The following ENAH variants were observed in gnomAD, a reference collection of about 807,000 sequenced individuals.
The protein encoded by ENAH is ENAH actin regulator.
Under a neutral mutation model 78.7 loss-of-function variants are expected in ENAH, and 23 were observed. The ratio of observed to expected loss-of-function variants is 0.29; its 90% CI spans 0.21 to 0.41. The LOEUF (loss-of-function observed/expected upper bound fraction) is 0.41. Ranked by LOEUF, ENAH falls within the 10% of genes least tolerant of loss-of-function variation. The probability of loss-of-function intolerance (pLI) is 1.00; values close to 1 mark genes in which losing one functional copy is unlikely to be tolerated. For missense variants in ENAH, 544 were observed against 691.0 expected, an observed-to-expected ratio of 0.79 and a Z score of 2.39; for synonymous variants, 226 against 241.0, an observed-to-expected ratio of 0.94 and a Z score of 0.58.
chr1:225,622,458 T>C (rs899770434), intron 1 of ENAH, among the ~76,000 whole-genome samples: 3 of 152,168 alleles, frequency 2.0e-5, no homozygotes, highest in African/African-American at 7.2e-5. Context: ...ATATATTGTA[T>C]TAAATATTTG....
chr1:225,560,987 G>C (rs901936947), intron 2 of ENAH, among the ~76,000 whole-genome samples: 4 of 152,212 alleles, frequency 2.6e-5, no homozygotes, highest in Admixed American at 2.6e-4. Context: ...TGTAATCCCA[G>C]CACTTTGGGA....
In ENAH at chr1:225,519,304, T is replaced by C; in HGVS notation, c.696A>G (p.Arg232=). 1 of 1,613,590 alleles carries C rather than the reference T, an allele frequency of 6.2e-7. No homozygotes were observed. Among genetic ancestry groups the C allele is most frequent in the Non-Finnish European group, 8.5e-7 (1 of 1,179,896 alleles). ...LDRERQERQE[R]ERLERLERER... is the part of the protein sequence containing the mutation. The stretch of plus-strand genomic sequence containing the variant: ...CCCGTTCCAGTCTCTCCAGCCTCTC[T>C]CGTTCTTGTCTTTCTTGCCTCTCCC... Residue 232 remains arginine (R), a synonymous_variant, in exon 5 of 14, where the codon CGA becomes CGG. Transcript: ENST00000366843.
At chr1:225,504,605 T>G (rs2096311290) in intron 11 of ENAH, among the ~76,000 whole-genome samples, 1 of 152,204 alleles carries the variant, frequency 6.6e-6, no homozygotes, top group South Asian at 2.1e-4. Flanking sequence ...GAGATTTTCC[T>G]CAAATAATCA....
rs377259576 is a variant in ENAH at position 225,591,406 on chromosome 1, T to C, written c.6-23992A>G. Among the ~76,000 whole-genome samples the C allele has an allele frequency of 7.2e-4, 109 of 150,924 alleles. 1 individual carries two copies. Among genetic ancestry groups the C allele is most frequent in the African/African-American group, 2.5e-3 (102 of 41,000 alleles). The stretch of plus-strand genomic sequence containing the variant: ...TCGCTTGAACCCCGGAGGTGGAGGT[T>C]GCAGTGAGCCGAGACTGCGCCATTG... On this transcript the variant is annotated intron_variant, in intron 1 of 13. Transcript: ENST00000366843.
At chr1:225,616,793 C>G (rs1267813096) in intron 1 of ENAH, among the ~76,000 whole-genome samples, 1 of 152,100 alleles carries the variant, frequency 6.6e-6, no homozygotes, top group Non-Finnish European at 1.5e-5. Flanking sequence ...GGAAAACTAA[C>G]TCCACCCATT....
chr1:225,651,262 G>A (rs1011826877), intron 1 of ENAH, among the ~76,000 whole-genome samples: 1 of 151,744 alleles, frequency 6.6e-6, no homozygotes, highest in Non-Finnish European at 1.5e-5. Context: ...CACTCTTTAA[G>A]GCCATCATAA....
At chr1:225,522,148 T>C (rs2096474439) in intron 4 of ENAH, among the ~76,000 whole-genome samples, 1 of 152,188 alleles carries the variant, frequency 6.6e-6, no homozygotes, top group Non-Finnish European at 1.5e-5. Flanking sequence ...GACTGGCTAA[T>C]AAACTGGGTG....
intron 3 of ENAH, among the ~76,000 whole-genome samples, chr1:225,549,881 T>G (rs1458844405): frequency 6.6e-6 from 1 of 152,174 alleles, no homozygotes; most frequent in African/African-American, 2.4e-5. Flanking sequence ...CTCACCGGTA[T>G]TATTACAACA....
At position 225,522,260 on chromosome 1, in the gene ENAH, T is replaced by C. The variant is rs150415448; in HGVS notation, c.435-2695A>G. Among the ~76,000 whole-genome samples the C allele has an allele frequency of 6.0e-3, 911 of 152,250 alleles. 8 individuals carry two copies. Among genetic ancestry groups the C allele is most frequent in the African/African-American group, 0.02 (847 of 41,542 alleles). The stretch of plus-strand genomic sequence containing the variant: ...AGTAAGATCTTTCCAAAAATCTCTC[T>C]CCTTCATGTTTCCTAAGCTGGCTAT... On this transcript the variant is annotated intron_variant, in intron 4 of 13. Transcript: ENST00000366843.
At chr1:225,585,896 A>G (rs932032514) in intron 1 of ENAH, among the ~76,000 whole-genome samples, 14 of 151,934 alleles carry the variant, frequency 9.2e-5, no homozygotes, top group Admixed American at 2.0e-4. Flanking sequence ...AAAGGCCTAA[A>G]AGCAAAGACT....
At chr1:225,598,302 GT>G (rs1253576740) in intron 1 of ENAH, among the ~76,000 whole-genome samples, 4 of 151,400 alleles carry the variant, frequency 2.6e-5, no homozygotes, top group South Asian at 4.2e-4. Context: ...CTACCCAAGA[GT>G]GAAAAATAGA....
chr1:225,626,551 C>A (rs1430687637), intron 1 of ENAH, among the ~76,000 whole-genome samples: 1 of 152,210 alleles, frequency 6.6e-6, no homozygotes, highest in Non-Finnish European at 1.5e-5. Flanking sequence ...ATCTATGAAG[C>A]AGAGAGCAGC....
intron 1 of ENAH, among the ~76,000 whole-genome samples, chr1:225,638,485 C>T (rs981508000): frequency 6.6e-6 from 1 of 152,156 alleles, no homozygotes; most frequent in African/African-American, 2.4e-5. Flanking sequence ...TGTCTCCTCC[C>T]CCACTAAACT....
chr1:225,569,303 G>A (rs1418079971), intron 1 of ENAH, among the ~76,000 whole-genome samples: 1 of 152,154 alleles, frequency 6.6e-6, no homozygotes, highest in East Asian at 1.9e-4. Context: ...AGATTCCCAA[G>A]ATTCAAGAGA....
At chr1:225,536,130 A>AT (rs1445412995) in intron 3 of ENAH, among the ~76,000 whole-genome samples, 1 of 152,076 alleles carries the variant, frequency 6.6e-6, no homozygotes, top group African/African-American at 2.4e-5. Flanking sequence ...TCAGCTATTC[A>AT]TTTTTTACCA....
intron 3 of ENAH, among the ~76,000 whole-genome samples, chr1:225,533,009 T>A (rs2096545313): frequency 6.6e-6 from 1 of 152,122 alleles, no homozygotes; most frequent in Admixed American, 6.6e-5. Context: ...TGTGTGTGTG[T>A]GTCCGTGCAT....
chr1:225,602,254 G>A (rs368916984), intron 1 of ENAH, among the ~76,000 whole-genome samples: 1 of 151,998 alleles, frequency 6.6e-6, no homozygotes, highest in Non-Finnish European at 1.5e-5. Flanking sequence ...AAAACAAAAC[G>A]AACTCCGTGA....
At chr1:225,503,037 G>T (rs995673862) in intron 11 of ENAH, among the ~76,000 whole-genome samples, 1 of 152,036 alleles carries the variant, frequency 6.6e-6, no homozygotes, top group Admixed American at 6.6e-5. Context: ...ACTAGGCAAT[G>T]CAAAAATTAT....
intron 1 of ENAH, among the ~76,000 whole-genome samples, chr1:225,622,573 T>A (rs1252836804): frequency 6.6e-6 from 1 of 152,128 alleles, no homozygotes; most frequent in Non-Finnish European, 1.5e-5. Context: ...GCTGGGGAAG[T>A]CCAAGATCAA....
Sources: allele counts gnomAD v4.1 joint callset (sites outside exome capture counted in the v4.1 genomes callset), GRCh38; gene constraint gnomAD v4.1.1; transcripts MANE v1.5; gene names NCBI Gene and HGNC (gene_info 2026-07-23, HGNC 2026-07-21).